Variants in TENM3 observed in about 807,000 individuals in gnomAD.
TENM3 encodes the protein teneurin-3.
A neutral mutation model predicts 255.1 loss-of-function variants in TENM3; 63 were observed. The observed-to-expected ratio is 0.25, with a 90% CI of 0.20 to 0.30. TENM3 has a LOEUF of 0.30. Ranked by LOEUF, TENM3 falls within the 10% of genes least tolerant of loss-of-function variation. TENM3 has a pLI of 1.00. For missense variants in TENM3, 2,929 were observed against 3,461.1 expected (o/e 0.85, Z 3.86); for synonymous variants, 1,306 against 1,322.3 (o/e 0.99, Z 0.27).
chr4:182,687,181 G>A (rs1452265365), intron 11 of TENM3, among the ~76,000 whole-genome samples: 1 of 152,008 alleles, frequency 6.6e-6, no homozygotes, highest in Non-Finnish European at 1.5e-5. Flanking sequence ...AATGATTTTA[G>A]GTTTTTATTG....
At chr4:182,074,898 G>A in the TENM3 span, among the ~76,000 whole-genome samples, 5 of 152,222 alleles carry the variant, frequency 3.3e-5, no homozygotes, top group South Asian at 8.3e-4. Context: ...AAGAGATCAG[G>A]GCAGGACAAG....
the TENM3 span, among the ~76,000 whole-genome samples, chr4:181,805,615 T>TGTGTGTG: frequency 9.3e-4 from 128 of 138,010 alleles, 1 homozygote; most frequent in African/African-American, 3.1e-3. Context: ...GTGTGTGTGG[T>TGTGTGTG]GTGTGTGTGT....
At chr4:181,667,303 A>C in the TENM3 span, among the ~76,000 whole-genome samples, 1 of 151,990 alleles carries the variant, frequency 6.6e-6, no homozygotes, top group Non-Finnish European at 1.5e-5. Flanking sequence ...CCTGCACATC[A>C]CTTCCAGACT....
At chr4:181,716,005 TG>T in the TENM3 span, among the ~76,000 whole-genome samples, 2 of 152,250 alleles carry the variant, frequency 1.3e-5, no homozygotes, top group Non-Finnish European at 2.9e-5. Context: ...CATGGTTTTA[TG>T]TAAAGGCTCA....
At chr4:182,301,376 C>T (rs1318497710) in intron 1 of TENM3, among the ~76,000 whole-genome samples, 1 of 152,082 alleles carries the variant, frequency 6.6e-6, no homozygotes, top group Admixed American at 6.5e-5. Flanking sequence ...TATATTTTCC[C>T]CATATTATTA....
At chr4:182,544,960 C>A (rs1215868240) in intron 3 of TENM3, among the ~76,000 whole-genome samples, 1 of 152,170 alleles carries the variant, frequency 6.6e-6, no homozygotes, top group African/African-American at 2.4e-5. Context: ...TCAATCAGCG[C>A]ATCAAAATCT....
At chr4:181,542,351 G>A in the TENM3 span, among the ~76,000 whole-genome samples, 111 of 152,228 alleles carry the variant, frequency 7.3e-4, no homozygotes, top group Middle Eastern at 6.8e-3. Context: ...TGTATGGGGC[G>A]TCTCCAGCCA....
the TENM3 span, among the ~76,000 whole-genome samples, chr4:181,579,939 ATTTT>A: frequency 2.8e-4 from 1 of 3,512 alleles, no homozygotes; most frequent in Non-Finnish European, 7.9e-4. Context: ...CTACAATTTT[ATTTT>A]ATTTTATTTT....
intron 1 of TENM3, chr4:182,169,174 AT>A (rs1751935196): frequency 4.5e-6 from 2 of 442,614 alleles, no homozygotes; most frequent in Non-Finnish European, 9.1e-6. Context: ...GTTCTTGAAA[AT>A]TAATGAGATT....
At chr4:181,461,929 AAT>A in the TENM3 span, among the ~76,000 whole-genome samples, 1 of 146,896 alleles carries the variant, frequency 6.8e-6, no homozygotes, top group Non-Finnish European at 1.5e-5. Flanking sequence ...TTTTGAATTG[AAT>A]GCCAGACATT....
At chr4:181,858,853 T>A in the TENM3 span, among the ~76,000 whole-genome samples, 1 of 152,130 alleles carries the variant, frequency 6.6e-6, no homozygotes, top group African/African-American at 2.4e-5. Flanking sequence ...TACAGGGGGC[T>A]TAATGCCTGG....
chr4:182,392,000 A>T (rs547642776), intron 3 of TENM3, among the ~76,000 whole-genome samples: 3 of 152,370 alleles, frequency 2.0e-5, no homozygotes, highest in Admixed American at 2.0e-4. Flanking sequence ...GATGCTCCAG[A>T]GAATGGAATC....
the TENM3 span, among the ~76,000 whole-genome samples, chr4:181,694,323 A>G: frequency 1.3e-5 from 2 of 152,314 alleles, no homozygotes; most frequent in African/African-American, 4.8e-5. Flanking sequence ...ACAATTTTAG[A>G]AACTTTACTC....
At chr4:182,268,303 A>G (rs60619668) in intron 1 of TENM3, among the ~76,000 whole-genome samples, 27,026 of 152,126 alleles carry the variant, frequency 0.18, 2,822 homozygotes, top group African/African-American at 0.27. Flanking sequence ...AAACCTTACC[A>G]TACATGCTTT....
chr4:181,877,882 A>G, the TENM3 span, among the ~76,000 whole-genome samples: 1 of 152,208 alleles, frequency 6.6e-6, no homozygotes, highest in Non-Finnish European at 1.5e-5. Context: ...TTCTAGATGG[A>G]TATGGATTGC....
chr4:181,480,431 C>G, the TENM3 span, among the ~76,000 whole-genome samples: 3 of 152,198 alleles, frequency 2.0e-5, no homozygotes, highest in Admixed American at 2.0e-4. Flanking sequence ...TTTACTGACA[C>G]TTGTTATCAA....
chr4:182,526,315 G>T (rs1165260475), intron 3 of TENM3, among the ~76,000 whole-genome samples: 3 of 152,064 alleles, frequency 2.0e-5, no homozygotes, highest in Non-Finnish European at 4.4e-5. Context: ...CGTAGAGGCA[G>T]TCCCTAACTA....
At chr4:182,121,375 A>AT in the TENM3 span, among the ~76,000 whole-genome samples, 1 of 151,888 alleles carries the variant, frequency 6.6e-6, no homozygotes, top group South Asian at 2.1e-4. Flanking sequence ...TGTAGATATA[A>AT]TGAGAGTAGT....
the TENM3 span, among the ~76,000 whole-genome samples, chr4:181,803,264 A>T: frequency 6.6e-6 from 1 of 152,176 alleles, no homozygotes; most frequent in Non-Finnish European, 1.5e-5. Context: ...AACAATTACA[A>T]ACAAAGCAAG....
Sources: gnomAD v4.1 joint callset for allele counts (sites outside exome capture counted in the v4.1 genomes callset) on GRCh38, gnomAD v4.1.1 for gene constraint, MANE v1.5 for transcripts, NCBI Gene and HGNC (gene_info 2026-07-23, HGNC 2026-07-21) for gene names.